ZFAND1: variants seen among roughly 807,000 people sequenced by gnomAD.
ZFAND1 encodes the protein AN1-type zinc finger protein 1.
Under a neutral mutation model 38.5 loss-of-function variants are expected in ZFAND1, and 40 were observed. The observed-to-expected ratio is 1.04, with a 90% CI of 0.81 to 1.35. The LOEUF (loss-of-function observed/expected upper bound fraction) is 1.35, where lower values mean the gene tolerates loss of function less well. ZFAND1 is among the 40% of genes most tolerant of loss of function. ZFAND1 has a pLI of 0.00. For missense variants in ZFAND1, 346 were observed against 316.3 expected (o/e 1.09, Z -0.71); for synonymous variants, 117 against 103.6 (o/e 1.13, Z -0.78).
Position 81,716,786 on chromosome 8 carries a change from A to G in ZFAND1, c.138+463T>C, listed in dbSNP as rs145451694. Among the ~76,000 whole-genome samples, 817 of 152,186 alleles carry G rather than the reference A, an allele frequency of 5.4e-3. 19 individuals are homozygous for G. Among genetic ancestry groups the G allele is most frequent in the East Asian group, 0.021 (110 of 5,158 alleles). ...AACATGGTAAAACCCCATCTCTACTAAAATACAAAAATTAGTCGGGCGTGG... is the reference window on the plus strand; with the variant it reads ...AACATGGTAAAACCCCATCTCTACTGAAATACAAAAATTAGTCGGGCGTGG... On this transcript the variant is annotated intron_variant, in intron 3 of 7. Transcript: ENST00000220669.
chr8:81,703,454 G>A (rs1173358885), intron 6 of ZFAND1, among the ~76,000 whole-genome samples: 2 of 152,124 alleles, frequency 1.3e-5, no homozygotes, highest in Admixed American at 1.3e-4. Context: ...AGGGAGTTTC[G>A]CTCTTGTTGC....
chr8:81,702,525 T>TA lies in ZFAND1; in HGVS notation c.*169dup, dbSNP rs1226862902. The TA allele has an allele frequency of 1.9e-6, 1 of 528,366 alleles. No homozygotes were observed. Among genetic ancestry groups the TA allele is most frequent in the East Asian group, 3.7e-5 (1 of 27,014 alleles). 32.7% of individuals were successfully genotyped at this position (528,366 alleles called of 1,614,324 possible). A position where few individuals can be genotyped will look rare whatever the true frequency, so the allele number is the denominator to read the frequency against. On this transcript the variant is annotated 3_prime_UTR_variant, in exon 8 of 8. Transcript: ENST00000220669. Reference sequence around the variant, plus strand: ...TTGAGGATCCGTACACAATTAAACTTAAAACCAAAAAACTCTAATAGAAAA... The same window carrying TA: ...TTGAGGATCCGTACACAATTAAACTTAAAAACCAAAAAACTCTAATAGAAAA...
In ZFAND1 at chr8:81,702,760, T is replaced by C; in HGVS notation, c.742A>G (p.Ile248Val). ...TCATCATTAAGATATTCCAAGATTA[T>C]ATTTCCACCATTATATAAAGGACAA... ...EDCPLYNGGN[I>V]ILEYLNDEEQ... Residue 248 changes from isoleucine (I) to valine (V), a missense_variant, in exon 8 of 8, where the codon ATA becomes GTA. By Grantham distance (29) the Ile-to-Val change is conservative. Transcript: ENST00000220669. The C allele has an allele frequency of 6.2e-7, 1 of 1,602,454 alleles. No individual in the cohort carries two copies. Among genetic ancestry groups the C allele is most frequent in the South Asian group, 1.1e-5 (1 of 88,518 alleles).
At chr8:81,714,178 T>G in intron 5 of ZFAND1, 139 bp from the exon 6 acceptor site, 1 of 769,884 alleles carries the variant, frequency 1.3e-6, no homozygotes, top group Non-Finnish European at 2.0e-6. Flanking sequence ...ATTCATTGTA[T>G]AGGTATTGTA....
In ZFAND1 at chr8:81,717,303, G is replaced by C; in HGVS notation, c.99-15C>G. On this transcript the variant is annotated splice_polypyrimidine_tract_variant and intron_variant, in intron 2 of 7. Coordinates refer to ENST00000220669, the MANE Select transcript of ZFAND1 (RefSeq NM_024699.3). ...TGTGTTCAAGGCTTAAATAATAATA[G>C]CAAGTGTTTATTTAAATAACATACT... The C allele has an allele frequency of 6.6e-7, 1 of 1,510,064 alleles. No individual in the cohort carries two copies. The allele number at this position is 1,510,064 out of a possible 1,614,324, so 93.5% of individuals were successfully genotyped here.
rs1807862761 is a variant in ZFAND1, at chr8:81,703,096, A to G, written c.509T>C (p.Leu170Ser). Residue 170 changes from leucine to serine, a missense_variant, in exon 7 of 8, where the codon TTA becomes TCA. By Grantham distance (145) the Leu-to-Ser change is moderately radical. Transcript: ENST00000220669. ...QTERIYFQVF[L>S]PKGSKEKSKP... ...GCTCTTCTCTTTGCTCCCTTTAGGT[A>G]AGAAAACCTGAAAGTAAATTCTTTC... The G allele has an allele frequency of 6.5e-7, 1 of 1,533,162 alleles. No individual in the cohort carries two copies. Among genetic ancestry groups the G allele is most frequent in the Non-Finnish European group, 8.8e-7 (1 of 1,135,728 alleles). The allele number at this position is 1,533,162 out of a possible 1,614,324, so 95.0% of individuals were successfully genotyped here. A position where few individuals can be genotyped will look rare whatever the true frequency, so the allele number is the denominator to read the frequency against.
intron 6 of ZFAND1, among the ~76,000 whole-genome samples, chr8:81,711,037 GT>G (rs1208746648): frequency 6.6e-6 from 1 of 152,158 alleles, no homozygotes; most frequent in Non-Finnish European, 1.5e-5. Flanking sequence ...TTTGTACTAT[GT>G]TTGTAACTTG....
Position 81,714,967 on chromosome 8 carries a change from C to G in ZFAND1, c.266+20G>C, listed in dbSNP as rs759186669. On this transcript the variant is annotated intron_variant, in intron 4 of 7. Transcript: ENST00000220669. ...CTTAAACAGATATACAAAGTGTGAA[C>G]AGCCTAAGTGATCAATCACCTCAGG... 8 of 1,613,896 alleles carry G rather than the reference C, an allele frequency of 5.0e-6. No homozygotes were observed. In the South Asian group the frequency reaches 7.7e-5, roughly 16 times the overall value.
intron 1 of ZFAND1, among the ~76,000 whole-genome samples, chr8:81,719,858 C>G (rs1298695872): frequency 6.6e-6 from 1 of 152,146 alleles, no homozygotes; most frequent in Non-Finnish European, 1.5e-5. Flanking sequence ...GACTCACTAG[C>G]GAAGGATCAG....
rs771021584 is a variant in ZFAND1, at chr8:81,715,092, A to G, written c.161T>C (p.Leu54Pro). 1 of 1,614,012 alleles carries G rather than the reference A, an allele frequency of 6.2e-7. No homozygotes were observed. The stretch of plus-strand genomic sequence containing the variant: ...GTAAGATGTATGTTGATCTGTCTTC[A>G]GTCTCTCATTGATTACAGTCACCTG... ...CPEVTVINER[L>P]KTDQHTSYPC... The change falls in exon 4 of 8, where the codon CTG (leucine) becomes CCG (proline). Residue 54 changes from leucine to proline, a missense_variant. Leu to Pro is a moderately conservative substitution (Grantham distance 98). Coordinates refer to ENST00000220669, the MANE Select transcript of ZFAND1 (RefSeq NM_024699.3).
chr8:81,721,296 AAGGGGCGGGGCAAAGCCTG>A (rs1243942809), exon 1 of ZFAND1: 6 of 1,547,618 alleles, frequency 3.9e-6, no homozygotes, highest in Non-Finnish European at 4.4e-6. Context: ...CCGGCGCCGT[AAGGGGCGGGGCAAAGCCTG>A]AGGGGCGGGG....
chr8:81,719,755 T>C (rs528293301), intron 1 of ZFAND1, among the ~76,000 whole-genome samples: 141 of 152,238 alleles, frequency 9.3e-4, no homozygotes, highest in African/African-American at 3.1e-3. Flanking sequence ...CCCAAACAGA[T>C]AGGCCTGGCC....
intron 6 of ZFAND1, among the ~76,000 whole-genome samples, chr8:81,713,339 G>A (rs1431306154): frequency 6.6e-6 from 1 of 151,948 alleles, no homozygotes; most frequent in Non-Finnish European, 1.5e-5. Flanking sequence ...TAGCCAGGAT[G>A]GTCTCGATCT....
At chr8:81,704,332 T>C (rs531563285) in intron 6 of ZFAND1, among the ~76,000 whole-genome samples, 1 of 151,408 alleles carries the variant, frequency 6.6e-6, no homozygotes, top group Non-Finnish European at 1.5e-5. Context: ...AGCCCAGGAG[T>C]TCAAGACCAG....
intron 6 of ZFAND1, among the ~76,000 whole-genome samples, chr8:81,706,097 G>A (rs1807971347): frequency 6.6e-6 from 1 of 151,992 alleles, no homozygotes; most frequent in Non-Finnish European, 1.5e-5. Flanking sequence ...ACATTCCACA[G>A]AAATTGGAAA....
At chr8:81,716,785 T>G (rs922937244) in intron 3 of ZFAND1, among the ~76,000 whole-genome samples, 3 of 151,966 alleles carry the variant, frequency 2.0e-5, no homozygotes, top group Admixed American at 6.6e-5. Flanking sequence ...CCATCTCTAC[T>G]AAAATACAAA....
At chr8:81,710,804 A>G (rs929917671) in intron 6 of ZFAND1, among the ~76,000 whole-genome samples, 1 of 152,232 alleles carries the variant, frequency 6.6e-6, no homozygotes, top group African/African-American at 2.4e-5. Context: ...TGTACTTGAT[A>G]ATACGTAACT....
chr8:81,710,534 A>T (rs1268835048), intron 6 of ZFAND1, among the ~76,000 whole-genome samples: 1 of 152,112 alleles, frequency 6.6e-6, no homozygotes, highest in Non-Finnish European at 1.5e-5. Context: ...ACCAATGACC[A>T]CCATAAACAA....
In ZFAND1 at chr8:81,721,254, A is replaced by T. The variant is rs1243706132; in HGVS notation, c.28T>A (p.Cys10Ser). 5.7e-5 allele frequency: 89 copies of T among 1,549,268 alleles called. No homozygotes were observed. Among genetic ancestry groups the T allele is most frequent in the Non-Finnish European group, 7.4e-5 (85 of 1,147,206 alleles). MAELDIGQH[C>S]QVEHCRQRDF... ...CGCTGCCGGCAATGCTCCACCTGGC[A>T]GTGCTGCCCGATGTCCAACTCCGCC... Residue 10 changes from cysteine (C) to serine (S), a missense_variant, in exon 1 of 8, where the codon TGC becomes AGC. Coordinates refer to ENST00000220669, the MANE Select transcript of ZFAND1 (RefSeq NM_024699.3).
Sources: gnomAD v4.1 joint callset for allele counts (sites outside exome capture counted in the v4.1 genomes callset) on GRCh38, gnomAD v4.1.1 for gene constraint, MANE v1.5 for transcripts, NCBI Gene and HGNC (gene_info 2026-07-23, HGNC 2026-07-21) for gene names.